Variants in GSTCD observed in about 807,000 individuals in gnomAD.
GSTCD encodes the protein glutathione S-transferase C-terminal domain-containing protein.
GSTCD carries 44 observed loss-of-function variants against 68.3 expected under a neutral mutation model. That is an observed-to-expected ratio of 0.64 (90% CI 0.51 to 0.83). The LOEUF (loss-of-function observed/expected upper bound fraction) is 0.83, where lower values mean the gene tolerates loss of function less well. Ranked by LOEUF, GSTCD falls within the 40% of genes least tolerant of loss-of-function variation. The pLI, the probability that GSTCD is intolerant of heterozygous loss-of-function variation, is 0.00. For missense variants in GSTCD, 739 were observed against 735.9 expected, an observed-to-expected ratio of 1.00 and a Z score of -0.05; for synonymous variants, 273 against 255.2, an observed-to-expected ratio of 1.07 and a Z score of -0.67.
intron 5 of GSTCD, among the ~76,000 whole-genome samples, chr4:105,810,649 A>G (rs1481205169): frequency 1.3e-5 from 2 of 152,164 alleles, no homozygotes; most frequent in African/African-American, 4.8e-5. Flanking sequence ...TTTAAAGTTT[A>G]CATTGTATAT....
intron 5 of GSTCD, among the ~76,000 whole-genome samples, chr4:105,781,299 A>G (rs2149249530): frequency 6.6e-6 from 1 of 152,114 alleles, no homozygotes; most frequent in Non-Finnish European, 1.5e-5. Flanking sequence ...TCCAGGCTGG[A>G]ATGCAGTGGC....
At chr4:105,718,481 A>G (rs1359571266) in intron 2 of GSTCD, among the ~76,000 whole-genome samples, 2 of 152,172 alleles carry the variant, frequency 1.3e-5, no homozygotes, top group Admixed American at 6.6e-5. Flanking sequence ...TGAGGTCCTG[A>G]TCAGAAGCAG....
chr4:105,800,406 A>G (rs1015263844), intron 5 of GSTCD, among the ~76,000 whole-genome samples: 6 of 152,118 alleles, frequency 3.9e-5, no homozygotes, highest in Admixed American at 6.6e-5. Flanking sequence ...TCAAGATGAG[A>G]TTTGGGTGGG....
intron 5 of GSTCD, among the ~76,000 whole-genome samples, chr4:105,749,294 C>T (rs1323132147): frequency 6.6e-6 from 1 of 151,686 alleles, no homozygotes; most frequent in Non-Finnish European, 1.5e-5. Flanking sequence ...ATAATTTAAT[C>T]AAATCCTCCT....
intron 5 of GSTCD, among the ~76,000 whole-genome samples, chr4:105,814,612 A>T (rs561323057): frequency 6.6e-6 from 1 of 152,156 alleles, no homozygotes; most frequent in African/African-American, 2.4e-5. Context: ...TGTCTCAAAA[A>T]AAATAAATAA....
intron 3 of GSTCD, among the ~76,000 whole-genome samples, chr4:105,722,053 T>G (rs1732872976): frequency 6.6e-6 from 1 of 152,162 alleles, no homozygotes; most frequent in South Asian, 2.1e-4. Flanking sequence ...TAAAACATTA[T>G]TGTACGCCTA....
chr4:105,844,196 G>C (rs923160984), intron 11 of GSTCD, among the ~76,000 whole-genome samples: 1 of 152,068 alleles, frequency 6.6e-6, no homozygotes, highest in African/African-American at 2.4e-5. Flanking sequence ...TTCTGACACA[G>C]AATGTTTCAT....
intron 5 of GSTCD, among the ~76,000 whole-genome samples, chr4:105,757,596 T>G (rs1734242297): frequency 6.6e-6 from 1 of 152,186 alleles, no homozygotes; most frequent in Non-Finnish European, 1.5e-5. Flanking sequence ...TTCTGGGGTC[T>G]CTTCATCCTT....
intron 5 of GSTCD, among the ~76,000 whole-genome samples, chr4:105,790,828 C>T (rs1246449795): frequency 1.3e-5 from 2 of 151,678 alleles, no homozygotes; most frequent in South Asian, 4.2e-4. Flanking sequence ...CCCTCAGTGC[C>T]TTTTTTTTAA....
At chr4:105,791,559 C>T (rs747817426) in intron 5 of GSTCD, among the ~76,000 whole-genome samples, 1 of 152,028 alleles carries the variant, frequency 6.6e-6, no homozygotes, top group South Asian at 2.1e-4. Context: ...CCTCCAGCAT[C>T]GTAACTAAAC....
intron 5 of GSTCD, among the ~76,000 whole-genome samples, chr4:105,743,790 C>G (rs1023940054): frequency 4.0e-5 from 6 of 151,218 alleles, no homozygotes; most frequent in African/African-American, 1.5e-4. Context: ...TCTCGAGTAG[C>G]TGGGACTACA....
At chr4:105,832,528 CT>C (rs1365253309) in intron 8 of GSTCD, among the ~76,000 whole-genome samples, 1 of 148,134 alleles carries the variant, frequency 6.8e-6, no homozygotes, top group Non-Finnish European at 1.5e-5. Context: ...TTTCTAAACT[CT>C]TTTTTGCTCA....
chr4:105,768,325 C>T (rs1734703978), intron 5 of GSTCD, among the ~76,000 whole-genome samples: 3 of 152,072 alleles, frequency 2.0e-5, no homozygotes, highest in Admixed American at 1.3e-4. Flanking sequence ...TCATCGCGCC[C>T]GGCCAATAAT....
At chr4:105,843,010 G>A (rs552424495) in intron 11 of GSTCD, among the ~76,000 whole-genome samples, 1 of 152,210 alleles carries the variant, frequency 6.6e-6, no homozygotes, top group Non-Finnish European at 1.5e-5. Context: ...ACCCAACATT[G>A]GACACCATTA....
At position 105,727,104 on chromosome 4, in the gene GSTCD, T is replaced by G. The variant is rs1428189961; in HGVS notation, c.1146+274T>G. Among the ~76,000 whole-genome samples, 11 of 151,556 alleles carry G rather than the reference T, an allele frequency of 7.3e-5. No homozygotes were observed. The South Asian group carries it at 2.1e-3, about 29-fold the overall frequency. The stretch of plus-strand genomic sequence containing the variant: ...TTCTCAAAACTTTTTTTTTTTTTTT[T>G]GTATATTCAGGATATTGACCAAGGT... On this transcript the variant is annotated intron_variant, in intron 4 of 11. Transcript: ENST00000515279.
chr4:105,743,938 C>T (rs887635910), intron 5 of GSTCD, among the ~76,000 whole-genome samples: 1 of 152,024 alleles, frequency 6.6e-6, no homozygotes, highest in Non-Finnish European at 1.5e-5. Context: ...GGATTACAGG[C>T]GTGAGCCACC....
At chr4:105,791,392 CAAAAA>C (rs56388145) in intron 5 of GSTCD, among the ~76,000 whole-genome samples, 1 of 57,320 alleles carries the variant, frequency 1.7e-5, no homozygotes, top group Non-Finnish European at 3.8e-5. Context: ...GACTCCGTCT[CAAAAA>C]AAAAAAAAAA....
In GSTCD at chr4:105,836,431, T is replaced by A. The variant is rs534249427; in HGVS notation, c.1665-1428T>A. ...CTTCGGGCCATTTCTGGGTTGATGG[T>A]GGGGCTTCACCAGGGACCTGCCCCT... is the stretch of plus-strand genomic sequence containing the variant. On this transcript the variant is annotated intron_variant, in intron 9 of 11. Transcript: ENST00000515279. Among the ~76,000 whole-genome samples, 16 of 152,266 alleles carry A rather than the reference T, an allele frequency of 1.1e-4. No individual in the cohort carries two copies. In the South Asian group the frequency reaches 3.3e-3, roughly 32 times the overall value.
chr4:105,783,220 A>G (rs1039153837), intron 5 of GSTCD, among the ~76,000 whole-genome samples: 1 of 152,168 alleles, frequency 6.6e-6, no homozygotes, highest in Non-Finnish European at 1.5e-5. Flanking sequence ...TTTAGAACAA[A>G]CAGCTTTCTG....
Sources: gnomAD v4.1 joint callset for allele counts (sites outside exome capture counted in the v4.1 genomes callset) on GRCh38, gnomAD v4.1.1 for gene constraint, MANE v1.5 for transcripts, NCBI Gene and HGNC (gene_info 2026-07-23, HGNC 2026-07-21) for gene names.